Variants in LRRTM4 observed in about 807,000 individuals in gnomAD.
LRRTM4 encodes leucine rich repeat transmembrane neuronal 4.
A neutral mutation model predicts 47.6 loss-of-function variants in LRRTM4; 25 were observed. The ratio of observed to expected loss-of-function variants is 0.53; its 90% CI spans 0.38 to 0.73. The LOEUF (loss-of-function observed/expected upper bound fraction) is 0.73. Among genes scored for constraint, LRRTM4 ranks in the 30% least tolerant of loss-of-function variants. LRRTM4 has a pLI of 0.00. For missense variants in LRRTM4, 638 were observed against 713.4 expected (o/e 0.89, Z 1.20); for synonymous variants, 311 against 269.5 (o/e 1.15, Z -1.51).
At chr2:77,287,636 G>A (rs1676701541) in intron 3 of LRRTM4, among the ~76,000 whole-genome samples, 1 of 151,904 alleles carries the variant, frequency 6.6e-6, no homozygotes, top group African/African-American at 2.4e-5. Flanking sequence ...TCCAGTGCAG[G>A]ACATGAATTA....
rs146560760 is a variant in LRRTM4 at position 77,167,444 on chromosome 2, A to G, written c.1551+350874T>C. Among the ~76,000 whole-genome samples the G allele has an allele frequency of 9.1e-3, 1,383 of 152,284 alleles. 14 individuals carry two copies. The highest frequency in any genetic ancestry group is 0.031 in the African/African-American group (1,303 of 41,552). On this transcript the variant is annotated intron_variant, in intron 3 of 3. Transcript: ENST00000409884. ...AAATGCCATTTGACCCAGCCATCCC[A>G]TTACTGGGTATATACCCAAAGGATT...
intron 3 of LRRTM4, among the ~76,000 whole-genome samples, chr2:77,224,235 T>C (rs1294551726): frequency 6.6e-6 from 1 of 151,846 alleles, no homozygotes; most frequent in Non-Finnish European, 1.5e-5. Flanking sequence ...ACTTACATGT[T>C]AGACCTAAAA....
intron 3 of LRRTM4, among the ~76,000 whole-genome samples, chr2:77,426,703 CTT>C (rs1028202205): frequency 4.6e-5 from 7 of 151,950 alleles, no homozygotes; most frequent in African/African-American, 1.7e-4. Flanking sequence ...TTTTTATTAA[CTT>C]TCACTTATTC....
intron 3 of LRRTM4, among the ~76,000 whole-genome samples, chr2:77,278,293 A>G (rs574403618): frequency 1.3e-5 from 2 of 152,180 alleles, no homozygotes; most frequent in Admixed American, 6.6e-5. Flanking sequence ...TAAATGTGAA[A>G]CATTTCAAAA....
rs185103563 is a variant in LRRTM4, at chr2:77,323,643, T to C, written c.1551+194675A>G. The stretch of plus-strand genomic sequence containing the variant: ...AGATACTTTGATTACCTCCATTTCA[T>C]AGCTAAGGAAACAGATTTGGAGAGG... On this transcript the variant is annotated intron_variant, in intron 3 of 3. Transcript: ENST00000409884. 3.5e-4 allele frequency among the ~76,000 whole-genome samples: 54 copies of C among 152,268 alleles called. 1 individual carries two copies. The highest frequency in any genetic ancestry group is 3.1e-3 in the Admixed American group (47 of 15,284).
chr2:76,924,665 G>T (rs1009592788), intron 3 of LRRTM4, among the ~76,000 whole-genome samples: 3 of 151,686 alleles, frequency 2.0e-5, no homozygotes, highest in Non-Finnish European at 2.9e-5. Flanking sequence ...TACAAATTTT[G>T]CATTGGCTTA....
chr2:77,012,870 T>C (rs1230145533), intron 3 of LRRTM4, among the ~76,000 whole-genome samples: 1 of 152,186 alleles, frequency 6.6e-6, no homozygotes, highest in African/African-American at 2.4e-5. Context: ...CAATTTGTAA[T>C]TACTACCTAA....
chr2:77,036,924 T>A (rs1678857262), intron 3 of LRRTM4, among the ~76,000 whole-genome samples: 1 of 151,686 alleles, frequency 6.6e-6, no homozygotes, highest in African/African-American at 2.4e-5. Flanking sequence ...TGTGAGGGAA[T>A]TCTCTGAAAG....
intron 3 of LRRTM4, among the ~76,000 whole-genome samples, chr2:77,465,752 G>A (rs975554565): frequency 2.0e-5 from 3 of 152,122 alleles, no homozygotes; most frequent in Non-Finnish European, 4.4e-5. Context: ...GTCCCAGAAA[G>A]CATTTTCTTT....
chr2:77,274,778 C>G (rs1676296692), intron 3 of LRRTM4, among the ~76,000 whole-genome samples: 4 of 152,098 alleles, frequency 2.6e-5, no homozygotes. Flanking sequence ...ATAAAAGGAA[C>G]CACAGAAGAG....
At chr2:77,321,807 A>G (rs1273353384) in intron 3 of LRRTM4, among the ~76,000 whole-genome samples, 1 of 152,090 alleles carries the variant, frequency 6.6e-6, no homozygotes, top group Non-Finnish European at 1.5e-5. Flanking sequence ...AAAATATGGC[A>G]AGGTATTAAT....
chr2:77,165,226 A>G (rs1464926952), intron 3 of LRRTM4, among the ~76,000 whole-genome samples: 3 of 152,200 alleles, frequency 2.0e-5, no homozygotes, highest in Non-Finnish European at 2.9e-5. Flanking sequence ...AAGTGGATAA[A>G]TTCCTGGACA....
intron 3 of LRRTM4, among the ~76,000 whole-genome samples, chr2:77,346,833 A>G (rs911462793): frequency 6.6e-6 from 1 of 152,124 alleles, no homozygotes; most frequent in Non-Finnish European, 1.5e-5. Context: ...ATTTTAAAAA[A>G]AAGTTACAGA....
rs1679374221 is a variant in LRRTM4 at position 77,519,245 on chromosome 2, C to T, written c.624G>A (p.Lys208=). The T allele has an allele frequency of 1.2e-6, 2 of 1,613,190 alleles. No individual in the cohort carries two copies. Among genetic ancestry groups the T allele is most frequent in the African/African-American group, 2.7e-5 (2 of 74,832 alleles). ...ACTGGTTGTGCTCCAGGTGGAGCTCCTTTAACTTCAAGAGGCCAGCAAATG... is the reference window on the plus strand; with the variant it reads ...ACTGGTTGTGCTCCAGGTGGAGCTCTTTTAACTTCAAGAGGCCAGCAAATG... ...RNAFAGLLKL[K]ELHLEHNQFS... The change falls in exon 3 of 4, where the codon AAG becomes AAA. Residue 208 remains lysine, a synonymous_variant. Coordinates refer to ENST00000409884, the MANE Select transcript of LRRTM4 (RefSeq NM_001134745.3). The surrounding 1 kb of genome is among the most constrained non-coding windows in gnomAD (Gnocchi z 4.6).
At chr2:77,005,805 A>C (rs1359764163) in intron 3 of LRRTM4, among the ~76,000 whole-genome samples, 3 of 152,042 alleles carry the variant, frequency 2.0e-5, no homozygotes, top group Non-Finnish European at 4.4e-5. Flanking sequence ...TAAATTACTC[A>C]CTCTCAGGTA....
chr2:76,836,607 C>T (rs1671521421), intron 3 of LRRTM4, among the ~76,000 whole-genome samples: 1 of 151,816 alleles, frequency 6.6e-6, no homozygotes, highest in Admixed American at 6.6e-5. Context: ...GACTGTGCTA[C>T]ATGCTTTATG....
intron 3 of LRRTM4, among the ~76,000 whole-genome samples, chr2:77,259,000 G>T (rs369825788): frequency 1.0e-3 from 157 of 151,924 alleles, no homozygotes; most frequent in African/African-American, 2.7e-3. Context: ...TTTTTACTAG[G>T]AAACATCAAA....
chr2:76,971,271 C>G (rs145797813), intron 3 of LRRTM4, among the ~76,000 whole-genome samples: 1 of 148,774 alleles, frequency 6.7e-6, no homozygotes, highest in Non-Finnish European at 1.5e-5. Context: ...GCCCCATCTA[C>G]CTAAATCAGA....
At chr2:77,043,367 G>A (rs73940246) in intron 3 of LRRTM4, among the ~76,000 whole-genome samples, 3,126 of 151,790 alleles carry the variant, frequency 0.021, 83 homozygotes, top group African/African-American at 0.063. Flanking sequence ...AAGAGGATTT[G>A]GGCATTGTCT....
Sources: gnomAD v4.1 joint callset for allele counts (sites outside exome capture counted in the v4.1 genomes callset) on GRCh38, gnomAD v4.1.1 for gene constraint, Gnocchi (gnomAD v3.1) non-coding constraint, MANE v1.5 for transcripts, NCBI Gene and HGNC (gene_info 2026-07-23, HGNC 2026-07-21) for gene names.